The following TEKT2 variants were observed in gnomAD, a reference collection of about 807,000 sequenced individuals.
TEKT2 encodes the protein tektin 2, also known as tektin-2.
In TEKT2, 45 loss-of-function variants were observed where a neutral mutation model predicts 49.8. The ratio of observed to expected loss-of-function variants is 0.90; its 90% CI spans 0.71 to 1.16. The LOEUF is 1.16. TEKT2 is among the 50% of genes most tolerant of loss of function. TEKT2 has a pLI of 0.00. For synonymous variants in TEKT2, 202 were observed against 224.6 expected (o/e 0.90, Z 0.90); for missense variants, 523 against 551.4 (o/e 0.95, Z 0.52).
chr1:36,085,788 G>A, intron 3 of TEKT2, 48 bp from the exon 4 acceptor site: 2 of 1,580,344 alleles, frequency 1.3e-6, no homozygotes, highest in Non-Finnish European at 1.7e-6. Context: ...CCGAAGTGCT[G>A]GGATTACAGA....
At position 36,088,025 on chromosome 1, in the gene TEKT2, G is replaced by A. The variant is rs753031169; in HGVS notation, c.1132G>A (p.Ala378Thr). The change falls in exon 10 of 10, where the codon GCC (alanine) becomes ACC (threonine). Residue 378 changes from alanine (A) to threonine (T), a missense_variant. Transcript: ENST00000207457. ...CCTGGCCCGGCTGCAGGCTGACATT[G>A]CCTGCAAGGCCAACTCCATGCTGCT... ...KHLARLQADI[A>T]CKANSMLLDT... is the part of the protein sequence containing the mutation. 9.9e-6 allele frequency: 16 copies of A among 1,612,362 alleles called. No individual in the cohort carries two copies. The Admixed American group carries it at 1.8e-4, about 19-fold the overall frequency.
At position 36,085,874 on chromosome 1, in the gene TEKT2, C is replaced by T. The variant is rs1054634651; in HGVS notation, c.321C>T (p.Asn107=). 1 of 1,614,042 alleles carries T rather than the reference C, an allele frequency of 6.2e-7. No homozygotes were observed. The highest frequency in any genetic ancestry group is 8.5e-7 in the Non-Finnish European group (1 of 1,179,994). The change falls in exon 4 of 10, where the codon AAC becomes AAT. Residue 107 remains asparagine (N), a synonymous_variant. Coordinates refer to ENST00000207457, the MANE Select transcript of TEKT2 (RefSeq NM_014466.3). ...ESAEQNLQAK[N]LPLDVAIECL... ...CAGAGCAAAACCTGCAGGCCAAGAA[C>T]CTGCCTCTGGATGTGGCCATTGAGT...
chr1:36,085,556 C>A (rs1232810368), intron 3 of TEKT2: 1 of 543,540 alleles, frequency 1.8e-6, no homozygotes, highest in African/African-American at 2.1e-5. Flanking sequence ...GATCTGTTGC[C>A]CAGGCTGGAG....
At chr1:36,085,734 G>C (rs1187682952) in intron 3 of TEKT2, 102 bp from the exon 4 acceptor site, 5 of 1,221,190 alleles carry the variant, frequency 4.1e-6, no homozygotes, top group Admixed American at 2.0e-5. Flanking sequence ...TGGCCAGGCT[G>C]TTCTCGAACT....
chr1:36,087,837 G>A lies in TEKT2; in HGVS notation c.1079+30G>A. 1 of 1,611,450 alleles carries A rather than the reference G, an allele frequency of 6.2e-7. No individual in the cohort carries two copies. The highest frequency in any genetic ancestry group is 8.5e-7 in the Non-Finnish European group (1 of 1,178,950). On this transcript the variant is annotated intron_variant, in intron 9 of 9. Transcript: ENST00000207457. This position sits in a 1 kb window ranked among gnomAD's most constrained non-coding sequence, Gnocchi z 4.9. ...GTCTCGGGAGTGGGCGGAAGGAGCA[G>A]TGAGACGCTGCCCACAAATGGGGCC...
chr1:36,086,155 G>A (rs1036007553), intron 4 of TEKT2, 114 bp downstream of exon 4: 1 of 1,144,428 alleles, frequency 8.7e-7, no homozygotes, highest in Non-Finnish European at 1.3e-6. Flanking sequence ...CTACATTTTG[G>A]CCCTCTGGTG....
chr1:36,085,773 G>C (rs1338836214), intron 3 of TEKT2, 63 bp from the exon 4 acceptor site: 2 of 1,530,128 alleles, frequency 1.3e-6, no homozygotes, highest in Non-Finnish European at 1.8e-6. Flanking sequence ...ATCCAACTCG[G>C]CCTCCCGAAG....
In TEKT2 at chr1:36,086,045, A is replaced by C; in HGVS notation, c.488+4A>C. On this transcript the variant is annotated splice_donor_region_variant and intron_variant, in intron 4 of 9. Transcript: ENST00000207457. ...GCCAGGCCTTCGAGCAGCTCTGGTAAGGGAGAGGCAGGTCGTCCGCATGTT... is the reference window on the plus strand; with the variant it reads ...GCCAGGCCTTCGAGCAGCTCTGGTACGGGAGAGGCAGGTCGTCCGCATGTT... The C allele has an allele frequency of 1.9e-6, 3 of 1,569,390 alleles. No homozygotes were observed. The highest frequency in any genetic ancestry group is 2.6e-6 in the Non-Finnish European group (3 of 1,156,730).
chr1:36,085,145 T>G lies in TEKT2; in HGVS notation c.157-18T>G, dbSNP rs558341835. 1.7e-4 allele frequency: 268 copies of G among 1,614,260 alleles called. 4 individuals carry two copies. The South Asian group carries it at 2.8e-3, about 17-fold the overall frequency. ...CCAACCCCTTGACACCCTCTCTATC[T>G]GGCTCTGTCTCTCTCAGACCATTTG... On this transcript the variant is annotated intron_variant, in intron 2 of 9. Coordinates refer to ENST00000207457, the MANE Select transcript of TEKT2 (RefSeq NM_014466.3).
Position 36,084,119 on chromosome 1 carries a change from G to T in TEKT2, c.-83G>T, listed in dbSNP as rs555098077. 117 of 152,484 alleles carry T rather than the reference G, an allele frequency of 7.7e-4. No individual in the cohort carries two copies. Among genetic ancestry groups the T allele is most frequent in the Non-Finnish European group, 1.2e-3 (84 of 68,176 alleles). The allele number at this position is 152,484 out of a possible 1,614,324, so 9.4% of individuals were successfully genotyped here. A position where few individuals can be genotyped will look rare whatever the true frequency, so the allele number is the denominator to read the frequency against. ...GGTGCCAAACACTGGAGCTCAGAGC[G>T]GGGGGCGCGGAGAGCGAAGCGGGAA... is the stretch of plus-strand genomic sequence containing the variant. On this transcript the variant is annotated 5_prime_UTR_variant, in exon 1 of 10. Transcript: ENST00000207457. The surrounding 1 kb of genome is among the most constrained non-coding windows in gnomAD (Gnocchi z 4.1).
chr1:36,086,115 A>G (rs748191599), intron 4 of TEKT2, 74 bp downstream of exon 4: 33 of 1,500,128 alleles, frequency 2.2e-5, no homozygotes, highest in Non-Finnish European at 2.8e-5. Context: ...GAACACAGGT[A>G]TTGTGGATGA....
rs539342638 is a variant in TEKT2 at position 36,087,137 on chromosome 1, G to T, written c.748-67G>T. ...CTGTGCATGTGGCCCCCTGCCCCTC[G>T]CTTGAGTAATATCCTCAGGCAGCCC... On this transcript the variant is annotated intron_variant, in intron 6 of 9. Transcript: ENST00000207457. The surrounding 1 kb of genome is among the most constrained non-coding windows in gnomAD (Gnocchi z 4.9). 3 of 1,607,968 alleles carry T rather than the reference G, an allele frequency of 1.9e-6. No individual in the cohort carries two copies. The highest frequency in any genetic ancestry group is 1.7e-6 in the Non-Finnish European group (2 of 1,175,404).
intron 4 of TEKT2, 108 bp from the exon 5 acceptor site, chr1:36,086,596 C>G: frequency 6.8e-7 from 1 of 1,462,344 alleles, no homozygotes. Flanking sequence ...TTGTCTTCTG[C>G]TGGGAAGGGT....
chr1:36,085,053 GCT>G lies in TEKT2; in HGVS notation c.134_135del (p.Leu45ProfsTer12). On this transcript the variant is annotated frameshift_variant, in exon 2 of 10. Coordinates refer to ENST00000207457, the MANE Select transcript of TEKT2 (RefSeq NM_014466.3). LOFTEE classifies it high-confidence loss of function. Reference sequence around the variant, plus strand: ...ATCAGATCCGCCAGGAGGCCCGGGTGCTCCGCAACGAGACCAACAACCAGGTT... The same window carrying G: ...ATCAGATCCGCCAGGAGGCCCGGGTGCCGCAACGAGACCAACAACCAGGTT... ...SHQIRQEARV[L>X]RNETNNQTIW... 1 of 1,614,140 alleles carries G rather than the reference GCT, an allele frequency of 6.2e-7. No individual in the cohort carries two copies. Among genetic ancestry groups the G allele is most frequent in the Non-Finnish European group, 8.5e-7 (1 of 1,180,050 alleles).
At chr1:36,085,785 G>A (rs1330035685) in intron 3 of TEKT2, 51 bp from the exon 4 acceptor site, 1 of 1,574,438 alleles carries the variant, frequency 6.4e-7, no homozygotes, top group Non-Finnish European at 8.7e-7. Context: ...CTCCCGAAGT[G>A]CTGGGATTAC....
At position 36,087,484 on chromosome 1, in the gene TEKT2, G is replaced by C. The variant is rs760243793; in HGVS notation, c.901G>C (p.Glu301Gln). The stretch of plus-strand genomic sequence containing the variant: ...GCTGCAGGAGGACATCCGGCACCTG[G>C]AGGAGGATCTGCGCACAAAGCTCCT... ...AELQEDIRHL[E>Q]EDLRTKLLSL... The change falls in exon 8 of 10, where the codon GAG (glutamate) becomes CAG (glutamine). Residue 301 changes from glutamate to glutamine, a missense_variant. Physicochemically the swap from Glu to Gln is conservative, Grantham distance 29 (BLOSUM62 2). Transcript: ENST00000207457. This position sits in a 1 kb window ranked among gnomAD's most constrained non-coding sequence, Gnocchi z 4.9. 6.2e-7 allele frequency: 1 copy of C among 1,613,820 alleles called. No homozygotes were observed. Among genetic ancestry groups the C allele is most frequent in the Non-Finnish European group, 8.5e-7 (1 of 1,180,026 alleles).
chr1:36,086,734 C>T lies in TEKT2; in HGVS notation c.519C>T (p.Asn173=). Residue 173 remains asparagine (N), a synonymous_variant, in exon 5 of 10, where the codon AAC becomes AAT. Coordinates refer to ENST00000207457, the MANE Select transcript of TEKT2 (RefSeq NM_014466.3). ...CLLQEVQQQL[N]SDHRGKMETL... is the part of the protein sequence containing the mutation. ...TGCAGGAAGTCCAACAGCAGCTCAACTCCGACCATCGGGGCAAAATGGAGA... is the reference window on the plus strand; with the variant it reads ...TGCAGGAAGTCCAACAGCAGCTCAATTCCGACCATCGGGGCAAAATGGAGA... The T allele has an allele frequency of 1.3e-5, 21 of 1,614,120 alleles. No homozygotes were observed. Among genetic ancestry groups the T allele is most frequent in the Non-Finnish European group, 1.8e-5 (21 of 1,180,036 alleles).
In TEKT2 at chr1:36,084,199, G is replaced by A. The variant is rs1306348242; in HGVS notation, c.-53+50G>A. ...CGCCCCCTTCCTCCGCGCTGGACCG[G>A]GGTACTGATCTAAACCAAAGGCGAT... On this transcript the variant is annotated intron_variant, in intron 1 of 9. Transcript: ENST00000207457. This position sits in a 1 kb window ranked among gnomAD's most constrained non-coding sequence, Gnocchi z 4.1. 6.5e-6 allele frequency: 1 copy of A among 152,758 alleles called. No homozygotes were observed. The highest frequency in any genetic ancestry group is 1.5e-5 in the Non-Finnish European group (1 of 68,484). 9.5% of individuals were successfully genotyped at this position (152,758 alleles called of 1,614,324 possible).
rs576453896 is a variant in TEKT2, at chr1:36,085,432, G to C, written c.282+144G>C. The C allele has an allele frequency of 4.8e-6, 6 of 1,255,670 alleles. No homozygotes were observed. The African/African-American group carries it at 7.4e-5, about 16-fold the overall frequency. The allele number at this position is 1,255,670 out of a possible 1,614,324, so 77.8% of individuals were successfully genotyped here. A position where few individuals can be genotyped will look rare whatever the true frequency, so the allele number is the denominator to read the frequency against. ...GCCCCCTGCTAAAGTGGGGACAAGCGCTACTTCCCCATGGATGGCCCCACC... is the reference window on the plus strand; with the variant it reads ...GCCCCCTGCTAAAGTGGGGACAAGCCCTACTTCCCCATGGATGGCCCCACC... On this transcript the variant is annotated intron_variant, in intron 3 of 9. Transcript: ENST00000207457.
Sources: gnomAD v4.1 joint callset for allele counts on GRCh38, gnomAD v4.1.1 for gene constraint, Gnocchi (gnomAD v3.1) non-coding constraint, MANE v1.5 for transcripts, NCBI Gene and HGNC (gene_info 2026-07-23, HGNC 2026-07-21) for gene names.